VAMP2: variants seen among roughly 807,000 people sequenced by gnomAD.
VAMP2 encodes vesicle associated membrane protein 2.
For synonymous variants in VAMP2, 67 were observed against 57.3 expected, an observed-to-expected ratio of 1.17 and a Z score of -0.76; for missense variants, 95 against 151.3, an observed-to-expected ratio of 0.63 and a Z score of 1.95.
chr17:8,162,097 G>A (rs912293415), intron 2 of VAMP2, 152 bp downstream of exon 2: 3 of 1,313,772 alleles, frequency 2.3e-6, no homozygotes, highest in African/African-American at 2.9e-5. Context: ...TTCCAAGTGC[G>A]TGCTGACAGG....
chr17:8,162,122 G>A, intron 2 of VAMP2, 127 bp downstream of exon 2: 1 of 1,401,246 alleles, frequency 7.1e-7, no homozygotes, highest in Non-Finnish European at 9.5e-7. Context: ...CAGGGATGGG[G>A]CATGGTATCT....
rs1440068415 is a variant in VAMP2, at chr17:8,162,904, T to C, written c.-25A>G. ...TGGCGGGGGCAGCGGGTGGAGGACT[T>C]GGCAGCGGCAGTGATGGCGGCGGCG... is the stretch of plus-strand genomic sequence containing the variant. On this transcript the variant is annotated 5_prime_UTR_variant, in exon 1 of 5. Transcript: ENST00000316509. 1.7e-5 allele frequency: 21 copies of C among 1,209,916 alleles called. No individual in the cohort carries two copies. Among genetic ancestry groups the C allele is most frequent in the Non-Finnish European group, 2.1e-5 (20 of 973,874 alleles). 74.9% of individuals were successfully genotyped at this position (1,209,916 alleles called of 1,614,324 possible). A position where few individuals can be genotyped will look rare whatever the true frequency, so the allele number is the denominator to read the frequency against.
chr17:8,161,038 C>T, intron 4 of VAMP2, 167 bp from the exon 5 acceptor site: 1 of 598,318 alleles, frequency 1.7e-6, no homozygotes, highest in Non-Finnish European at 2.9e-6. Flanking sequence ...AGGGGCTAGA[C>T]AGGTAGGTTC....
intron 1 of VAMP2, 200 bp downstream of exon 1, chr17:8,162,678 C>A (rs1280785522): frequency 5.6e-5 from 75 of 1,343,504 alleles, no homozygotes; most frequent in Non-Finnish European, 7.0e-5. Flanking sequence ...ACACTGGGTC[C>A]GCTCCTTCCC....
Position 8,160,195 on chromosome 17 carries a change from AG to A in VAMP2, c.*659del, listed in dbSNP as rs1983249465. 1 of 152,506 alleles carries A rather than the reference AG, an allele frequency of 6.6e-6. No individual in the cohort carries two copies. The highest frequency in any genetic ancestry group is 1.5e-5 in the Non-Finnish European group (1 of 68,036). The allele number at this position is 152,506 out of a possible 1,614,324, so 9.4% of individuals were successfully genotyped here. On this transcript the variant is annotated 3_prime_UTR_variant, in exon 5 of 5. Transcript: ENST00000316509. ...AACTCCTCAGTAAAAAAAGAAACACAGGTTGAGAGAAGAGTGATGGAACAAA... is the reference window on the plus strand; with the variant it reads ...AACTCCTCAGTAAAAAAAGAAACACAGTTGAGAGAAGAGTGATGGAACAAA...
intron 1 of VAMP2, 110 bp downstream of exon 1, chr17:8,162,768 C>T: frequency 8.1e-7 from 1 of 1,241,206 alleles, no homozygotes; most frequent in Non-Finnish European, 1.0e-6. Context: ...TGGGCCTGGC[C>T]CCGGGGCGCG....
Position 8,159,730 on chromosome 17 carries a change from C to T in VAMP2, c.*1125G>A, listed in dbSNP as rs1184030297. 2 of 152,680 alleles carry T rather than the reference C, an allele frequency of 1.3e-5. No homozygotes were observed. The highest frequency in any genetic ancestry group is 4.8e-5 in the African/African-American group (2 of 41,434). 9.5% of individuals were successfully genotyped at this position (152,680 alleles called of 1,614,324 possible). ...GGGGATTCTCTGCCCTGCCCCACTC[C>T]TCCCCAAGGCAGTGATGACCCCCAC... is the stretch of plus-strand genomic sequence containing the variant. On this transcript the variant is annotated 3_prime_UTR_variant, in exon 5 of 5. Coordinates refer to ENST00000316509, the MANE Select transcript of VAMP2 (RefSeq NM_014232.3).
In VAMP2 at chr17:8,159,205, TGGG is replaced by T. The variant is rs1401552182; in HGVS notation, c.*1647_*1649del. 3.4e-4 allele frequency: 16 copies of T among 46,402 alleles called. No individual in the cohort carries two copies. In the Admixed American group the frequency reaches 3.5e-3, roughly 10 times the overall value. 2.9% of individuals were successfully genotyped at this position (46,402 alleles called of 1,614,324 possible). On this transcript the variant is annotated 3_prime_UTR_variant, in exon 5 of 5. Coordinates refer to ENST00000316509, the MANE Select transcript of VAMP2 (RefSeq NM_014232.3). ...TCACAATCTGGATGCGCCACAGAAT[TGGG>T]GGCATGGGGTGGGGGAAGAGGGGGG...
Position 8,160,769 on chromosome 17 carries a change from G to GT in VAMP2, c.*85_*86insA, listed in dbSNP as rs745913567. On this transcript the variant is annotated 3_prime_UTR_variant, in exon 5 of 5. Coordinates refer to ENST00000316509, the MANE Select transcript of VAMP2 (RefSeq NM_014232.3). Reference sequence around the variant, plus strand: ...ACACACACGGATCCAGGGGAGTGGGGGCTGAAAGATATGGCTGAGAGGTGG... The same window carrying GT: ...ACACACACGGATCCAGGGGAGTGGGGTGCTGAAAGATATGGCTGAGAGGTGG... The GT allele has an allele frequency of 2.2e-5, 33 of 1,498,660 alleles. No homozygotes were observed. In the African/African-American group the frequency reaches 2.2e-4, roughly 10 times the overall value. The allele number at this position is 1,498,660 out of a possible 1,614,324, so 92.8% of individuals were successfully genotyped here.
chr17:8,161,747 A>C lies in VAMP2; in HGVS notation c.143T>G (p.Val48Gly). Residue 48 changes from valine to glycine, a missense_variant, in exon 3 of 5, where the codon GTG (valine) becomes GGG (glycine). Val to Gly is a moderately radical substitution (Grantham distance 109). Transcript: ENST00000316509. ...QVDEVVDIMR[V>G]NVDKVLERDQ... Reference sequence around the variant, plus strand: ...TCGCTCCAGGACCTTGTCCACGTTCACCCTCATGATGTCCACCACCTGGGA... The same window carrying C: ...TCGCTCCAGGACCTTGTCCACGTTCCCCCTCATGATGTCCACCACCTGGGA... The C allele has an allele frequency of 6.2e-7, 1 of 1,613,546 alleles. No individual in the cohort carries two copies. Among genetic ancestry groups the C allele is most frequent in the Non-Finnish European group, 8.5e-7 (1 of 1,179,586 alleles).
intron 4 of VAMP2, 68 bp from the exon 5 acceptor site, chr17:8,160,939 G>GT: frequency 7.0e-7 from 1 of 1,432,800 alleles, no homozygotes. Context: ...CAAGAAAGCA[G>GT]TGTGTCAGGC....
chr17:8,162,442 A>C (rs1598265862), intron 1 of VAMP2, 73 bp from the exon 2 acceptor site: 6 of 1,578,038 alleles, frequency 3.8e-6, no homozygotes, highest in East Asian at 2.4e-5. Flanking sequence ...CCGCCCATCC[A>C]CCTGTCCATC....
chr17:8,160,991 A>G, intron 4 of VAMP2, 120 bp from the exon 5 acceptor site: 1 of 855,356 alleles, frequency 1.2e-6, no homozygotes, highest in South Asian at 1.6e-5. Context: ...GCTGGCTGAC[A>G]CCCTCTCTTG....
Position 8,160,244 on chromosome 17 carries a change from TATGTA to T in VAMP2, c.*606_*610del, listed in dbSNP as rs902019327. Reference sequence around the variant, plus strand: ...AAAAAGAAATGGAAAGGGATAGCAGTATGTAATGATACGCTAATTAACATGCTGGA... The same window carrying T: ...AAAAAGAAATGGAAAGGGATAGCAGTATGATACGCTAATTAACATGCTGGA... On this transcript the variant is annotated 3_prime_UTR_variant, in exon 5 of 5. Transcript: ENST00000316509. 6.6e-6 allele frequency: 1 copy of T among 152,454 alleles called. No homozygotes were observed. Among genetic ancestry groups the T allele is most frequent in the African/African-American group, 2.4e-5 (1 of 41,334 alleles). The allele number at this position is 152,454 out of a possible 1,614,324, so 9.4% of individuals were successfully genotyped here. A position where few individuals can be genotyped will look rare whatever the true frequency, so the allele number is the denominator to read the frequency against.
intron 4 of VAMP2, chr17:8,161,140 G>A (rs1397925658): frequency 2.5e-5 from 14 of 552,934 alleles, no homozygotes; most frequent in Non-Finnish European, 4.5e-5. Context: ...TAATGGGGTG[G>A]TTGGCTTCCT....
At position 8,160,256 on chromosome 17, in the gene VAMP2, C is replaced by G. The variant is rs1029268388; in HGVS notation, c.*599G>C. 6.6e-6 allele frequency: 1 copy of G among 152,332 alleles called. No individual in the cohort carries two copies. The highest frequency in any genetic ancestry group is 6.6e-5 in the Admixed American group (1 of 15,240). The allele number at this position is 152,332 out of a possible 1,614,324, so 9.4% of individuals were successfully genotyped here. A position where few individuals can be genotyped will look rare whatever the true frequency, so the allele number is the denominator to read the frequency against. On this transcript the variant is annotated 3_prime_UTR_variant, in exon 5 of 5. Coordinates refer to ENST00000316509, the MANE Select transcript of VAMP2 (RefSeq NM_014232.3). The stretch of plus-strand genomic sequence containing the variant: ...AAAGGGATAGCAGTATGTAATGATA[C>G]GCTAATTAACATGCTGGACGCTCCC...
At position 8,160,380 on chromosome 17, in the gene VAMP2, G is replaced by GTTTTTTTTTGT. The variant is rs1983261003; in HGVS notation, c.*474_*475insACAAAAAAAAA. ...TAAGGAAGCCTGGACAGGTGCTGTTGTTTTTTTTTTTTTTTTTTTTTTTTT... is the reference window on the plus strand; with the variant it reads ...TAAGGAAGCCTGGACAGGTGCTGTTGTTTTTTTTTGTTTTTTTTTTTTTTTTTTTTTTTTTT... On this transcript the variant is annotated 3_prime_UTR_variant, in exon 5 of 5. Coordinates refer to ENST00000316509, the MANE Select transcript of VAMP2 (RefSeq NM_014232.3). 2.8e-5 allele frequency: 1 copy of GTTTTTTTTTGT among 35,108 alleles called. No individual in the cohort carries two copies. The highest frequency in any genetic ancestry group is 5.0e-5 in the Non-Finnish European group (1 of 20,096). 2.2% of individuals were successfully genotyped at this position (35,108 alleles called of 1,614,324 possible).
intron 4 of VAMP2, chr17:8,161,185 C>G: frequency 1.8e-6 from 1 of 568,586 alleles, no homozygotes; most frequent in Non-Finnish European, 3.1e-6. Context: ...TTTCCTTTCT[C>G]CCACTCCTCA....
At chr17:8,161,914 G>T in intron 2 of VAMP2, 148 bp from the exon 3 acceptor site, 1 of 1,278,060 alleles carries the variant, frequency 7.8e-7, no homozygotes, top group Non-Finnish European at 1.1e-6. Context: ...AACATGCCTA[G>T]CACACCTGGG....
Sources: gnomAD v4.1 joint callset for allele counts on GRCh38, gnomAD v4.1.1 for gene constraint, MANE v1.5 for transcripts, NCBI Gene and HGNC (gene_info 2026-07-23, HGNC 2026-07-21) for gene names.